The following EHBP1 variants were observed in gnomAD, a reference collection of about 807,000 sequenced individuals.
The protein encoded by EHBP1 is EH domain-binding protein 1.
In EHBP1, 55 loss-of-function variants were observed where a neutral mutation model predicts 144.0. The observed-to-expected ratio is 0.38, with a 90% CI of 0.31 to 0.48. The LOEUF (loss-of-function observed/expected upper bound fraction) is 0.48. Ranked by LOEUF, EHBP1 falls within the 20% of genes least tolerant of loss-of-function variation. The probability of loss-of-function intolerance (pLI) is 0.98; values close to 1 mark genes in which losing one functional copy is unlikely to be tolerated. For synonymous variants in EHBP1, 469 were observed against 472.7 expected (o/e 0.99, Z 0.10); for missense variants, 1,200 against 1,364.2 (o/e 0.88, Z 1.90).
At chr2:62,718,344 A>G (rs1319219859) in intron 2 of EHBP1, among the ~76,000 whole-genome samples, 3 of 152,250 alleles carry the variant, frequency 2.0e-5, no homozygotes, top group Admixed American at 1.3e-4. Context: ...ATCAATTTAA[A>G]TTAAATGTAA....
intron 8 of EHBP1, among the ~76,000 whole-genome samples, chr2:62,859,755 T>TTA (rs144844129): frequency 0.023 from 3,528 of 151,382 alleles, 58 homozygotes; most frequent in Non-Finnish European, 0.035. Flanking sequence ...ACCGCTGCTA[T>TTA]TATATATATA....
At chr2:62,832,431 CTTTTTTCTT>C (rs2046883328) in intron 7 of EHBP1, among the ~76,000 whole-genome samples, 1 of 125,284 alleles carries the variant, frequency 8.0e-6, no homozygotes, top group Non-Finnish European at 1.7e-5. Context: ...ATTTTTTTTT[CTTTTTTCTT>C]TTTTTTTTTT....
At chr2:62,793,852 G>A (rs1210945224) in intron 5 of EHBP1, among the ~76,000 whole-genome samples, 1 of 152,078 alleles carries the variant, frequency 6.6e-6, no homozygotes, top group South Asian at 2.1e-4. Context: ...CCAAACATGT[G>A]TTAAGAAGGA....
At chr2:63,037,047 G>C (rs1490240639) in intron 19 of EHBP1, among the ~76,000 whole-genome samples, 1 of 151,824 alleles carries the variant, frequency 6.6e-6, no homozygotes, top group Non-Finnish European at 1.5e-5. Flanking sequence ...GTTCCAAAAT[G>C]TCATATATAT....
intron 10 of EHBP1, among the ~76,000 whole-genome samples, chr2:62,895,219 A>G (rs2052800962): frequency 6.6e-6 from 1 of 152,146 alleles, no homozygotes; most frequent in African/African-American, 2.4e-5. Flanking sequence ...AAGTGTATGC[A>G]TTTGTCAAAA....
intron 5 of EHBP1, among the ~76,000 whole-genome samples, chr2:62,822,288 G>A (rs945332913): frequency 1.4e-4 from 22 of 152,102 alleles, no homozygotes; most frequent in Admixed American, 3.9e-4. Flanking sequence ...GTCCATAGAG[G>A]TGGAGAACTC....
At chr2:63,011,033 T>A (rs1305540004) in intron 19 of EHBP1, among the ~76,000 whole-genome samples, 1 of 150,610 alleles carries the variant, frequency 6.6e-6, no homozygotes, top group Non-Finnish European at 1.5e-5. Context: ...TTTCTCTAAA[T>A]CCATTGGATA....
intron 10 of EHBP1, among the ~76,000 whole-genome samples, chr2:62,895,916 A>T (rs2052883965): frequency 6.6e-6 from 1 of 152,234 alleles, no homozygotes; most frequent in Non-Finnish European, 1.5e-5. Flanking sequence ...AATTCAAAAA[A>T]TATTGAGTAC....
chr2:62,826,605 A>G (rs1448130450), intron 6 of EHBP1: 3 of 164,124 alleles, frequency 1.8e-5, no homozygotes, highest in African/African-American at 4.8e-5. Flanking sequence ...GTTTGATGCA[A>G]TTGAGACATG....
chr2:62,843,391 G>A (rs757471789), intron 7 of EHBP1, among the ~76,000 whole-genome samples: 2 of 152,032 alleles, frequency 1.3e-5, no homozygotes, highest in Non-Finnish European at 2.9e-5. Context: ...ATAATTGAAA[G>A]CTCAGTAATT....
intron 10 of EHBP1, among the ~76,000 whole-genome samples, chr2:62,924,189 C>T (rs2055319455): frequency 6.6e-6 from 1 of 152,186 alleles, no homozygotes; most frequent in African/African-American, 2.4e-5. Context: ...CAATGAACAG[C>T]CCTATGCTTG....
intron 10 of EHBP1, among the ~76,000 whole-genome samples, chr2:62,903,791 A>G (rs80171943): frequency 9.8e-5 from 2 of 20,450 alleles, no homozygotes; most frequent in Non-Finnish European, 2.4e-4. Flanking sequence ...GAAGGAGGAG[A>G]AGGAGAAGGA....
intron 10 of EHBP1, among the ~76,000 whole-genome samples, chr2:62,882,340 A>G (rs1250398597): frequency 2.0e-5 from 3 of 152,218 alleles, no homozygotes; most frequent in Non-Finnish European, 4.4e-5. Context: ...GAAAGAGCAG[A>G]TGGTAGAAAT....
chr2:62,955,399 G>A, intron 13 of EHBP1, 118 bp from the exon 14 acceptor site: 2 of 955,056 alleles, frequency 2.1e-6, no homozygotes, highest in Non-Finnish European at 1.5e-6. Context: ...ATCTCATGAA[G>A]CTACAATCTT....
upstream of EHBP1, among the ~76,000 whole-genome samples, chr2:62,703,495 C>T (rs896643095): frequency 1.3e-5 from 2 of 152,254 alleles, no homozygotes; most frequent in South Asian, 4.1e-4. Flanking sequence ...AGTAGCTGCT[C>T]TGTAGGGCCT....
chr2:62,979,409 C>A, intron 15 of EHBP1, 74 bp downstream of exon 15: 2 of 1,468,514 alleles, frequency 1.4e-6, no homozygotes, highest in South Asian at 2.8e-5. Context: ...ACTTTTTATT[C>A]TTACTTCAAA....
At chr2:62,824,704 A>G (rs1267012891) in intron 5 of EHBP1, among the ~76,000 whole-genome samples, 1 of 152,024 alleles carries the variant, frequency 6.6e-6, no homozygotes. Flanking sequence ...ATTGCTGTGC[A>G]TAATCTGACA....
intron 7 of EHBP1, among the ~76,000 whole-genome samples, chr2:62,845,967 A>C (rs1211968708): frequency 6.6e-6 from 1 of 152,198 alleles, no homozygotes; most frequent in South Asian, 2.1e-4. Context: ...ATAAGGTATC[A>C]TAGCTACCTT....
Position 63,045,314 on chromosome 2 carries a change from G to A in EHBP1, c.3393-96G>A. 1 of 1,399,722 alleles carries A rather than the reference G, an allele frequency of 7.1e-7. No homozygotes were observed. The highest frequency in any genetic ancestry group is 1.9e-5 in the Admixed American group (1 of 53,144). 86.7% of individuals were successfully genotyped at this position (1,399,722 alleles called of 1,614,324 possible). The stretch of plus-strand genomic sequence containing the variant: ...TGGCCTGGTGCTCCCCATTCCCGCT[G>A]GGGATCCAAATACTGGGCGACGGGG... On this transcript the variant is annotated intron_variant, in intron 22 of 22. Coordinates refer to ENST00000431489, the MANE Select transcript of EHBP1 (RefSeq NM_001142616.3). This position sits in a 1 kb window ranked among gnomAD's most constrained non-coding sequence, Gnocchi z 5.7.
Sources: gnomAD v4.1 joint callset for allele counts (sites outside exome capture counted in the v4.1 genomes callset) on GRCh38, gnomAD v4.1.1 for gene constraint, Gnocchi (gnomAD v3.1) non-coding constraint, MANE v1.5 for transcripts, NCBI Gene and HGNC (gene_info 2026-07-23, HGNC 2026-07-21) for gene names.